ESRRG: variants seen among roughly 807,000 people sequenced by gnomAD.
The protein encoded by ESRRG is estrogen-related receptor gamma.
Under a neutral mutation model 44.0 loss-of-function variants are expected in ESRRG, and 13 were observed. That is an observed-to-expected ratio of 0.30 (90% confidence interval 0.19 to 0.47). The LOEUF is 0.47. Among genes scored for constraint, ESRRG ranks in the 20% least tolerant of loss-of-function variants. The pLI, the probability that ESRRG is intolerant of heterozygous loss-of-function variation, is 1.00. For missense variants in ESRRG, 395 were observed against 580.6 expected, an observed-to-expected ratio of 0.68 and a Z score of 3.29; for synonymous variants, 215 against 214.6, an observed-to-expected ratio of 1.00 and a Z score of -0.02.
At position 216,779,260 on chromosome 1, in the gene ESRRG, TAAATA is replaced by T. The variant is rs1482711990; in HGVS notation, c.-13-101774_-13-101770del. Reference sequence around the variant, plus strand: ...AAATATATATTTATATTTATAAATATAAATATATATTTATATTTATAAACATTATA... The same window carrying T: ...AAATATATATTTATATTTATAAATATTATATTTATATTTATAAACATTATA... On this transcript the variant is annotated intron_variant, in intron 2 of 7. Transcript: ENST00000359162. Among the ~76,000 whole-genome samples, 214 of 50,878 alleles carry T rather than the reference TAAATA, an allele frequency of 4.2e-3. 6 individuals carry two copies. Among genetic ancestry groups the T allele is most frequent in the African/African-American group, 8.7e-3 (103 of 11,810 alleles). 33.4% of individuals were successfully genotyped at this position (50,878 alleles called of 152,430 possible). A position where few individuals can be genotyped will look rare whatever the true frequency, so the allele number is the denominator to read the frequency against.
chr1:216,699,942 C>T (rs932148124), intron 1 of ESRRG, among the ~76,000 whole-genome samples: 3 of 152,150 alleles, frequency 2.0e-5, no homozygotes, highest in African/African-American at 4.8e-5. Flanking sequence ...TTCTCATTTA[C>T]AGTCTATCAG....
At chr1:216,974,874 CT>C (rs572877864) in intron 1 of ESRRG, among the ~76,000 whole-genome samples, 179 of 146,066 alleles carry the variant, frequency 1.2e-3, no homozygotes, top group Non-Finnish European at 1.7e-3. Context: ...TCCTTTTGTG[CT>C]TTTTTTTTTT....
At chr1:216,626,643 G>A (rs766410073) in intron 3 of ESRRG, among the ~76,000 whole-genome samples, 17 of 152,234 alleles carry the variant, frequency 1.1e-4, no homozygotes, top group South Asian at 6.2e-4. Context: ...CAACCCTCCC[G>A]CCACATTTGG....
intron 1 of ESRRG, among the ~76,000 whole-genome samples, chr1:216,988,569 C>T (rs896475343): frequency 1.3e-5 from 2 of 152,176 alleles, no homozygotes; most frequent in African/African-American, 4.8e-5. Flanking sequence ...GTTTGAGAAC[C>T]CCAACCCTCA....
At chr1:217,047,820 C>A (rs1336019949) in intron 1 of ESRRG, among the ~76,000 whole-genome samples, 5 of 152,120 alleles carry the variant, frequency 3.3e-5, no homozygotes, top group African/African-American at 1.2e-4. Context: ...TTCTAAATCC[C>A]ATAGTTAAGT....
intron 2 of ESRRG, among the ~76,000 whole-genome samples, chr1:216,762,123 T>C (rs557703780): frequency 2.8e-4 from 42 of 152,212 alleles, no homozygotes; most frequent in African/African-American, 9.9e-4. Context: ...GCTGTGTAAA[T>C]TGCCCAAGGC....
chr1:217,093,018 AG>A (rs1217363236), upstream of ESRRG, among the ~76,000 whole-genome samples: 1 of 152,192 alleles, frequency 6.6e-6, no homozygotes, highest in Non-Finnish European at 1.5e-5. Context: ...ATATAATTGT[AG>A]TACTTGAAAA....
At chr1:216,507,227 G>C (rs376376227) in intron 6 of ESRRG, 44 bp from the exon 7 acceptor site, 1 of 1,379,900 alleles carries the variant, frequency 7.2e-7, no homozygotes, top group Non-Finnish European at 9.9e-7. Context: ...AATAATAATA[G>C]CAAACCTATG....
chr1:216,519,734 GTCTTTAGGAAAA>G (rs1158366101), intron 5 of ESRRG, among the ~76,000 whole-genome samples: 2 of 149,062 alleles, frequency 1.3e-5, no homozygotes, highest in Non-Finnish European at 3.0e-5. Context: ...TCTGGTTGAA[GTCTTTAGGAAAA>G]TCTTACAGGA....
At chr1:216,903,090 T>C (rs1404073583) in intron 2 of ESRRG, among the ~76,000 whole-genome samples, 1 of 152,228 alleles carries the variant, frequency 6.6e-6, no homozygotes, top group East Asian at 1.9e-4. Flanking sequence ...TGTTTGTGTG[T>C]ATGTGTATAC....
chr1:216,582,798 T>C (rs2063043807), intron 3 of ESRRG, among the ~76,000 whole-genome samples: 1 of 152,190 alleles, frequency 6.6e-6, no homozygotes, highest in South Asian at 2.1e-4. Context: ...TCTTGCATTG[T>C]ATGAAAGAGA....
intron 2 of ESRRG, among the ~76,000 whole-genome samples, chr1:216,876,766 C>T (rs768558638): frequency 2.6e-5 from 4 of 151,850 alleles, no homozygotes; most frequent in Non-Finnish European, 5.9e-5. Flanking sequence ...TAACCAGCAC[C>T]GTGTCATAAG....
At chr1:216,846,607 G>T (rs1405648202) in intron 2 of ESRRG, among the ~76,000 whole-genome samples, 1 of 152,130 alleles carries the variant, frequency 6.6e-6, no homozygotes, top group African/African-American at 2.4e-5. Context: ...CTAGATCTCT[G>T]ATTGCTTTCT....
intron 1 of ESRRG, among the ~76,000 whole-genome samples, chr1:217,112,163 A>T (rs1198971745): frequency 6.6e-6 from 1 of 152,158 alleles, no homozygotes; most frequent in African/African-American, 2.4e-5. Flanking sequence ...CCAGCCAAAC[A>T]CTTCCCAAAT....
chr1:216,567,710 T>A (rs2059934673), intron 4 of ESRRG, among the ~76,000 whole-genome samples: 1 of 152,192 alleles, frequency 6.6e-6, no homozygotes, highest in Admixed American at 6.5e-5. Flanking sequence ...ATTCACACTA[T>A]ATAAGCTATG....
chr1:216,529,626 G>T (rs1418187787), intron 5 of ESRRG, among the ~76,000 whole-genome samples: 1 of 151,972 alleles, frequency 6.6e-6, no homozygotes, highest in Non-Finnish European at 1.5e-5. Context: ...CAAATTATTG[G>T]CACTTCTGCC....
At chr1:217,122,261 C>A (rs2092829411) in intron 1 of ESRRG, among the ~76,000 whole-genome samples, 1 of 152,104 alleles carries the variant, frequency 6.6e-6, no homozygotes. Context: ...CTCCAGAGGC[C>A]TAGGCTGACA....
chr1:216,643,742 C>G (rs2066924948), intron 3 of ESRRG, among the ~76,000 whole-genome samples: 1 of 152,132 alleles, frequency 6.6e-6, no homozygotes, highest in Non-Finnish European at 1.5e-5. Flanking sequence ...AGGTAAGAAG[C>G]CTGGTTCCCT....
intron 2 of ESRRG, among the ~76,000 whole-genome samples, chr1:216,760,650 C>G (rs1336315489): frequency 6.6e-6 from 1 of 151,900 alleles, no homozygotes; most frequent in Non-Finnish European, 1.5e-5. Flanking sequence ...GAATAAAGGA[C>G]ATTTTGAATG....
Sources: allele counts gnomAD v4.1 joint callset (sites outside exome capture counted in the v4.1 genomes callset), GRCh38; gene constraint gnomAD v4.1.1; transcripts MANE v1.5; gene names NCBI Gene and HGNC (gene_info 2026-07-23, HGNC 2026-07-21).